The following RABGAP1L variants were observed in gnomAD, a reference collection of about 807,000 sequenced individuals.
RABGAP1L encodes the protein rab GTPase-activating protein 1-like.
Under a neutral mutation model 137.7 loss-of-function variants are expected in RABGAP1L, and 63 were observed. The ratio of observed to expected loss-of-function variants is 0.46; its 90% confidence interval spans 0.37 to 0.56. RABGAP1L has a LOEUF of 0.56. Ranked by LOEUF, RABGAP1L falls within the 20% of genes least tolerant of loss-of-function variation. The probability of loss-of-function intolerance (pLI) is 0.00; values close to 1 mark genes in which losing one functional copy is unlikely to be tolerated. For missense variants in RABGAP1L, 1,095 were observed against 1,244.0 expected (o/e 0.88, Z 1.80); for synonymous variants, 431 against 433.7 (o/e 0.99, Z 0.08).
intron 10 of RABGAP1L, among the ~76,000 whole-genome samples, chr1:174,302,629 T>C (rs1044234075): frequency 6.6e-6 from 1 of 152,202 alleles, no homozygotes; most frequent in African/African-American, 2.4e-5. Context: ...AGGATAGGCT[T>C]CAGGTCAGGA....
intron 19 of RABGAP1L, among the ~76,000 whole-genome samples, chr1:174,817,618 T>C (rs1473457353): frequency 3.3e-5 from 5 of 152,060 alleles, no homozygotes; most frequent in African/African-American, 9.7e-5. Context: ...GCAATTTGGA[T>C]TTTATCCTGA....
chr1:174,209,676 G>T (rs993781279), intron 1 of RABGAP1L, among the ~76,000 whole-genome samples: 1 of 152,220 alleles, frequency 6.6e-6, no homozygotes, highest in Non-Finnish European at 1.5e-5. Flanking sequence ...GGAACTTGTT[G>T]CCCTGAGGGG....
At chr1:174,566,136 C>G (rs775735880) in intron 13 of RABGAP1L, among the ~76,000 whole-genome samples, 162 of 152,058 alleles carry the variant, frequency 1.1e-3, no homozygotes, top group Non-Finnish European at 1.5e-3. Flanking sequence ...TGGTGTCAAG[C>G]TTTTGGTAAT....
chr1:174,637,324 T>G, intron 13 of RABGAP1L, 51 bp from the exon 14 acceptor site: 1 of 1,308,528 alleles, frequency 7.6e-7, no homozygotes, highest in Non-Finnish European at 1.1e-6. Context: ...ATATTATATT[T>G]CATAACTGGG....
chr1:174,419,568 TAG>T (rs755463412), intron 13 of RABGAP1L, among the ~76,000 whole-genome samples: 134 of 152,354 alleles, frequency 8.8e-4, no homozygotes, highest in Non-Finnish European at 8.8e-4. Context: ...TTCATTGTAA[TAG>T]AGAGTTCATA....
At chr1:174,500,879 A>G (rs993039371) in intron 13 of RABGAP1L, among the ~76,000 whole-genome samples, 12 of 152,202 alleles carry the variant, frequency 7.9e-5, no homozygotes, top group African/African-American at 2.9e-4. Context: ...TTGGTTGATA[A>G]TTAAATGGGA....
intron 18 of RABGAP1L, among the ~76,000 whole-genome samples, chr1:174,786,185 T>C (rs1404549612): frequency 6.6e-6 from 1 of 152,208 alleles, no homozygotes; most frequent in Non-Finnish European, 1.5e-5. Context: ...TTGTGACTGG[T>C]AAATTCTAAG....
At chr1:174,696,256 C>T (rs1679250561) in intron 15 of RABGAP1L, among the ~76,000 whole-genome samples, 2 of 152,136 alleles carry the variant, frequency 1.3e-5, no homozygotes, top group Admixed American at 1.3e-4. Context: ...TGAGCCGGTA[C>T]TCAAGTTGCA....
chr1:174,313,771 T>C (rs936681663), intron 11 of RABGAP1L, among the ~76,000 whole-genome samples: 3 of 152,186 alleles, frequency 2.0e-5, no homozygotes, highest in African/African-American at 4.8e-5. Context: ...ATTCAAATGA[T>C]CATAGTTTTT....
chr1:174,230,196 A>G (rs1382255555), intron 3 of RABGAP1L, among the ~76,000 whole-genome samples: 1 of 145,518 alleles, frequency 6.9e-6, no homozygotes, highest in Admixed American at 6.9e-5. Context: ...GAATTGAACT[A>G]TGAGAACACA....
intron 10 of RABGAP1L, among the ~76,000 whole-genome samples, chr1:174,283,986 A>G (rs944356941): frequency 6.4e-4 from 98 of 152,246 alleles, no homozygotes; most frequent in Non-Finnish European, 9.0e-4. Flanking sequence ...ATCTCAGGGT[A>G]TAATTGAAAA....
intron 24 of RABGAP1L, 112 bp from the exon 25 acceptor site, chr1:174,988,529 T>TGAA: frequency 2.2e-6 from 2 of 915,936 alleles, no homozygotes; most frequent in South Asian, 5.6e-5. Context: ...CCTTCAGAAA[T>TGAA]GGGCCTGCAT....
At chr1:174,932,539 T>C (rs1205923884) in intron 19 of RABGAP1L, among the ~76,000 whole-genome samples, 2 of 152,138 alleles carry the variant, frequency 1.3e-5, no homozygotes, top group Admixed American at 6.5e-5. Context: ...ATTTGTCTCA[T>C]TGGCTGGTGA....
intron 17 of RABGAP1L, among the ~76,000 whole-genome samples, chr1:174,717,639 C>T (rs922133662): frequency 2.6e-5 from 4 of 152,120 alleles, no homozygotes; most frequent in African/African-American, 7.2e-5. Context: ...AAAAACAGGT[C>T]ACCTTTAGAT....
intron 13 of RABGAP1L, among the ~76,000 whole-genome samples, chr1:174,436,627 T>C (rs1318158047): frequency 1.3e-5 from 2 of 152,372 alleles, no homozygotes; most frequent in South Asian, 2.1e-4. Context: ...CTGATGGTAG[T>C]TTCTTTTGCT....
At chr1:174,286,091 A>G (rs1292230730) in intron 10 of RABGAP1L, among the ~76,000 whole-genome samples, 1 of 152,154 alleles carries the variant, frequency 6.6e-6, no homozygotes, top group Non-Finnish European at 1.5e-5. Flanking sequence ...TGGCCCCATG[A>G]AATGAGTTTG....
At chr1:174,834,270 T>C (rs957331752) in intron 19 of RABGAP1L, among the ~76,000 whole-genome samples, 18 of 151,796 alleles carry the variant, frequency 1.2e-4, no homozygotes, top group African/African-American at 4.1e-4. Flanking sequence ...CTACTAAAAA[T>C]ACAAAATTAG....
At chr1:174,469,952 A>C (rs2149304687) in intron 13 of RABGAP1L, among the ~76,000 whole-genome samples, 1 of 150,580 alleles carries the variant, frequency 6.6e-6, no homozygotes, top group East Asian at 1.9e-4. Flanking sequence ...GACTGGAGGA[A>C]AAAAAAAAAG....
At chr1:174,723,691 G>A in intron 17 of RABGAP1L, among the ~76,000 whole-genome samples, 1 of 152,220 alleles carries the variant, frequency 6.6e-6, no homozygotes, top group East Asian at 1.9e-4. Flanking sequence ...AAAATTTGCA[G>A]TTTGCTGCAC....
Sources: allele counts gnomAD v4.1 joint callset (sites outside exome capture counted in the v4.1 genomes callset), GRCh38; gene constraint gnomAD v4.1.1; transcripts MANE v1.5; gene names NCBI Gene and HGNC (gene_info 2026-07-23, HGNC 2026-07-21).